The following ENPP2 variants were observed in gnomAD, a reference collection of about 807,000 sequenced individuals.
The protein encoded by ENPP2 is ectonucleotide pyrophosphatase/phosphodiesterase 2.
A neutral mutation model predicts 120.2 loss-of-function variants in ENPP2; 51 were observed. That is an observed-to-expected ratio of 0.42 (90% CI 0.34 to 0.54). The LOEUF is 0.54. Ranked by LOEUF, ENPP2 falls within the 20% of genes least tolerant of loss-of-function variation. ENPP2 has a pLI of 0.04. For missense variants in ENPP2, 920 were observed against 1,066.5 expected, an observed-to-expected ratio of 0.86 and a Z score of 1.91; for synonymous variants, 365 against 366.4, an observed-to-expected ratio of 1.00 and a Z score of 0.04.
Position 119,557,704 on chromosome 8 carries a change from C to T in ENPP2, c.2422-13G>A, listed in dbSNP as rs1813577301. The T allele has an allele frequency of 6.5e-7, 1 of 1,531,142 alleles. No homozygotes were observed. Among genetic ancestry groups the T allele is most frequent in the Non-Finnish European group, 8.7e-7 (1 of 1,146,790 alleles). 94.8% of individuals were successfully genotyped at this position (1,531,142 alleles called of 1,614,324 possible). ...CGTCCTCTGAGCTCTGCAATGGAAA[C>T]AGAACAAAATCAGAATCAGAATTTT... On this transcript the variant is annotated splice_polypyrimidine_tract_variant and intron_variant, in intron 24 of 24. Coordinates refer to ENST00000075322, the MANE Select transcript of ENPP2 (RefSeq NM_001040092.3).
At position 119,670,996 on chromosome 8, in the gene ENPP2, T is replaced by G. The variant is rs1444362988; in HGVS notation, c.21+2256A>C. 3.3e-5 allele frequency among the ~76,000 whole-genome samples: 5 copies of G among 152,068 alleles called. No individual in the cohort carries two copies. The East Asian group carries it at 9.6e-4, about 29-fold the overall frequency. ...ATCATATTATATTTTAGAAAGATCA[T>G]TTGACACAGTCTGGGCACAGTGGCT... is the stretch of plus-strand genomic sequence containing the variant. On this transcript the variant is annotated intron_variant, in intron 1 of 25. Transcript: ENST00000427067.
At chr8:119,658,779 A>G (rs1164006144) in intron 1 of ENPP2, among the ~76,000 whole-genome samples, 2 of 152,092 alleles carry the variant, frequency 1.3e-5, no homozygotes, top group Non-Finnish European at 2.9e-5. Context: ...TGTCCCTCCC[A>G]TTAAGTCCCC....
At chr8:119,601,487 A>G (rs770914400) in intron 9 of ENPP2, 25 bp from the exon 10 acceptor site, 23 of 1,602,082 alleles carry the variant, frequency 1.4e-5, no homozygotes, top group Admixed American at 3.3e-5. Context: ...CAAGCAAAGC[A>G]TGTTGTTAGG....
At chr8:119,630,399 C>T (rs1587532027) in intron 2 of ENPP2, among the ~76,000 whole-genome samples, 2 of 152,174 alleles carry the variant, frequency 1.3e-5, no homozygotes, top group East Asian at 1.9e-4. Flanking sequence ...TAAGCCACCA[C>T]ATCCGGCCTA....
chr8:119,643,189 T>C (rs1039393696), upstream of ENPP2, among the ~76,000 whole-genome samples: 1 of 152,192 alleles, frequency 6.6e-6, no homozygotes, highest in African/African-American at 2.4e-5. Context: ...TTTGCTGTGG[T>C]TGAGAACTAT....
intron 11 of ENPP2, among the ~76,000 whole-genome samples, chr8:119,599,378 A>T (rs1395396304): frequency 6.6e-6 from 1 of 151,838 alleles, no homozygotes; most frequent in Non-Finnish European, 1.5e-5. Flanking sequence ...ATACTTAAGT[A>T]TTGTCAAAAA....
At chr8:119,593,265 C>T (rs1813666470) in intron 12 of ENPP2, among the ~76,000 whole-genome samples, 1 of 152,150 alleles carries the variant, frequency 6.6e-6, no homozygotes, top group African/African-American at 2.4e-5. Context: ...CCTTGACTTC[C>T]CTCAGTGGAT....
chr8:119,638,374 C>T lies in ENPP2; in HGVS notation c.136+51G>A, dbSNP rs372150500. The T allele has an allele frequency of 5.6e-4, 483 of 862,018 alleles. 6 individuals carry two copies. In the African/African-American group the frequency reaches 6.0e-3, roughly 11 times the overall value. The allele number at this position is 862,018 out of a possible 1,614,324, so 53.4% of individuals were successfully genotyped here. On this transcript the variant is annotated intron_variant, in intron 2 of 24. Transcript: ENST00000075322. The stretch of plus-strand genomic sequence containing the variant: ...TTTAATAAGCTTACATTGATTACCC[C>T]GTATGTAATATTTTTAAAAAATTGA...
rs557674080 is a variant in ENPP2, at chr8:119,562,771, G to T, written c.2421+86C>A. 48 of 1,282,986 alleles carry T rather than the reference G, an allele frequency of 3.7e-5. No individual in the cohort carries two copies. The Admixed American group carries it at 9.1e-4, about 24-fold the overall frequency. 79.5% of individuals were successfully genotyped at this position (1,282,986 alleles called of 1,614,324 possible). A position where few individuals can be genotyped will look rare whatever the true frequency, so the allele number is the denominator to read the frequency against. ...AGGGTGAATGCTTTATAATAAGTAT[G>T]TTCTAGTTCAATGATGGAAATATAA... On this transcript the variant is annotated intron_variant, in intron 24 of 24. Coordinates refer to ENST00000075322, the MANE Select transcript of ENPP2 (RefSeq NM_001040092.3).
rs745935194 is a variant in ENPP2, at chr8:119,564,946, T to C, written c.2141A>G (p.Asn714Ser). The change falls in exon 23 of 25, where the codon AAT (asparagine) becomes AGT (serine). Residue 714 changes from asparagine to serine, a missense_variant. Coordinates refer to ENST00000075322, the MANE Select transcript of ENPP2 (RefSeq NM_001040092.3). ...PMYPAFKRVWNYFQRVLVKKY... is the reference protein window; with the variant it reads ...PMYPAFKRVWSYFQRVLVKKY... ...CTTCACCAATACCCTTTGGAAATAATTCCAGACCCCTGTGCAAAGACAAAA... is the reference window on the plus strand; with the variant it reads ...CTTCACCAATACCCTTTGGAAATAACTCCAGACCCCTGTGCAAAGACAAAA... 2.9e-5 allele frequency: 46 copies of C among 1,612,760 alleles called. No homozygotes were observed. Among genetic ancestry groups the C allele is most frequent in the Non-Finnish European group, 3.7e-5 (44 of 1,179,400 alleles).
At chr8:119,558,642 G>C (rs1337687317) in intron 24 of ENPP2, among the ~76,000 whole-genome samples, 4 of 152,120 alleles carry the variant, frequency 2.6e-5, no homozygotes, top group Non-Finnish European at 5.9e-5. Context: ...CATTTTTGTG[G>C]GAAGTTGAGG....
intron 1 of ENPP2, among the ~76,000 whole-genome samples, chr8:119,656,866 A>G (rs1326396012): frequency 2.0e-5 from 3 of 152,222 alleles, no homozygotes; most frequent in Non-Finnish European, 2.9e-5. Context: ...AATAGTTACC[A>G]TCTATTAAGG....
At chr8:119,582,651 T>C (rs56005640) in intron 17 of ENPP2, 49 bp from the exon 18 acceptor site, 113,551 of 1,323,090 alleles carry the variant, frequency 0.086, 5,709 homozygotes, top group Middle Eastern at 0.12. Flanking sequence ...ATTTTTTTGA[T>C]GAGATATGGT....
intron 8 of ENPP2, among the ~76,000 whole-genome samples, chr8:119,608,922 C>T (rs1017304474): frequency 3.3e-5 from 5 of 152,118 alleles, no homozygotes; most frequent in Admixed American, 1.3e-4. Flanking sequence ...ATATTAAAAA[C>T]AGCCTAAGAT....
At chr8:119,656,030 CTATACCAAT>C (rs1817757380) in intron 1 of ENPP2, among the ~76,000 whole-genome samples, 2 of 152,206 alleles carry the variant, frequency 1.3e-5, no homozygotes, top group South Asian at 4.1e-4. Flanking sequence ...GTTGGAGCCA[CTATACCAAT>C]ACTGTCTTTG....
At chr8:119,625,269 A>G (rs1816190860) in intron 3 of ENPP2, among the ~76,000 whole-genome samples, 1 of 152,230 alleles carries the variant, frequency 6.6e-6, no homozygotes, top group Non-Finnish European at 1.5e-5. Context: ...CAATAGTCTC[A>G]GCAATTTAGT....
In ENPP2 at chr8:119,593,836, C is replaced by T. The variant is rs1367097862; in HGVS notation, c.997G>A (p.Asp333Asn). 8.1e-6 allele frequency: 13 copies of T among 1,610,820 alleles called. No individual in the cohort carries two copies. The highest frequency in any genetic ancestry group is 1.7e-5 in the Admixed American group (1 of 60,000). ...TCCATTAATTGCCCCACAATTTTGT[C>T]GATTTCCCTCAGAGGATTTGTCATC... ...PEMTNPLREI[D>N]KIVGQLMDGL... Residue 333 changes from aspartate to asparagine, a missense_variant, in exon 12 of 25, where the codon GAC becomes AAC. Transcript: ENST00000075322.
chr8:119,580,362 A>G, intron 18 of ENPP2, 195 bp from the exon 19 acceptor site: 1 of 602,940 alleles, frequency 1.7e-6, no homozygotes, highest in Admixed American at 3.0e-5. Context: ...TAGCAGTTCT[A>G]TGTTTGTAAG....
In ENPP2 at chr8:119,654,788, A is replaced by G. The variant is rs146295347; in HGVS notation, c.22-16261T>C. On this transcript the variant is annotated intron_variant, in intron 1 of 25. Transcript: ENST00000427067. ...TAGGTGGTGGTAGTCAGGATTTCTT[A>G]AAAAGTATCTGAATTCAGAAGCACT... is the stretch of plus-strand genomic sequence containing the variant. Among the ~76,000 whole-genome samples, 552 of 152,334 alleles carry G rather than the reference A, an allele frequency of 3.6e-3. 14 individuals are homozygous for G. Among genetic ancestry groups the G allele is most frequent in the Admixed American group, 0.016 (247 of 15,288 alleles).
Sources: gnomAD v4.1 joint callset for allele counts (sites outside exome capture counted in the v4.1 genomes callset) on GRCh38, gnomAD v4.1.1 for gene constraint, MANE v1.5 for transcripts, NCBI Gene and HGNC (gene_info 2026-07-23, HGNC 2026-07-21) for gene names.